The following NXPE4 variants were observed in gnomAD, a reference collection of about 807,000 sequenced individuals.
NXPE4 encodes neurexophilin and PC-esterase domain family member 4, also known as NXPE family member 4.
In NXPE4, 42 loss-of-function variants were observed where a neutral mutation model predicts 33.3. The observed-to-expected ratio is 1.26, with a 90% CI of 0.98 to 1.63. NXPE4 has a LOEUF of 1.63. NXPE4 is among the 40% of genes most tolerant of loss of function. The pLI, the probability that NXPE4 is intolerant of heterozygous loss-of-function variation, is 0.00. For synonymous variants in NXPE4, 253 were observed against 234.9 expected (o/e 1.08, Z -0.71); for missense variants, 709 against 647.6 (o/e 1.09, Z -1.03).
At position 114,580,143 on chromosome 11, in the gene NXPE4, G is replaced by T; in HGVS notation, c.1088C>A (p.Ala363Asp). ...TIRQWMEYFK[A>D]SINTLKSVDL... is the part of the protein sequence containing the mutation. Reference sequence around the variant, plus strand: ...AGACTGAGGCATACTGTTGATACTGGCTTTGAAGTATTCCATCCACTGGCG... The same window carrying T: ...AGACTGAGGCATACTGTTGATACTGTCTTTGAAGTATTCCATCCACTGGCG... Residue 363 changes from alanine (A) to aspartate (D), a missense_variant, in exon 5 of 6, where the codon GCC becomes GAC. Ala to Asp is a moderately radical substitution (Grantham distance 126). Coordinates refer to ENST00000375478, the MANE Select transcript of NXPE4 (RefSeq NM_001077639.2). 2 of 1,613,144 alleles carry T rather than the reference G, an allele frequency of 1.2e-6. No homozygotes were observed. Among genetic ancestry groups the T allele is most frequent in the Non-Finnish European group, 1.7e-6 (2 of 1,179,114 alleles).
chr11:114,662,850 T>A, the NXPE4 span, among the ~76,000 whole-genome samples: 2 of 152,158 alleles, frequency 1.3e-5, no homozygotes, highest in Non-Finnish European at 2.9e-5. Flanking sequence ...GCAACAGTTA[T>A]CACCTGCTAT....
the NXPE4 span, among the ~76,000 whole-genome samples, chr11:114,632,746 AT>A: frequency 4.5e-5 from 1 of 22,014 alleles, no homozygotes; most frequent in Non-Finnish European, 7.5e-5. Flanking sequence ...TATAAAATAT[AT>A]TATAATATAT....
chr11:114,621,204 G>A, the NXPE4 span, among the ~76,000 whole-genome samples: 1 of 152,160 alleles, frequency 6.6e-6, no homozygotes, highest in African/African-American at 2.4e-5. Flanking sequence ...GTTACCTGGT[G>A]GATAATAAGT....
At chr11:114,587,745 C>G (rs966946824) in intron 2 of NXPE4, among the ~76,000 whole-genome samples, 5 of 152,186 alleles carry the variant, frequency 3.3e-5, no homozygotes, top group Non-Finnish European at 7.4e-5. Flanking sequence ...TAAAGGGACA[C>G]CTTTTTTCTT....
chr11:114,600,933 C>A, the NXPE4 span, among the ~76,000 whole-genome samples: 1 of 151,910 alleles, frequency 6.6e-6, no homozygotes, highest in South Asian at 2.1e-4. Context: ...ATATAGTTCT[C>A]CATGAAATGA....
At chr11:114,618,297 C>G in the NXPE4 span, among the ~76,000 whole-genome samples, 1 of 151,940 alleles carries the variant, frequency 6.6e-6, no homozygotes, top group Admixed American at 6.6e-5. Context: ...TGGGTAACCA[C>G]TGTTATCTGT....
chr11:114,598,405 C>T (rs2135315361), upstream of NXPE4, among the ~76,000 whole-genome samples: 1 of 145,164 alleles, frequency 6.9e-6, no homozygotes, highest in South Asian at 2.2e-4. Context: ...GGCAGTGCCC[C>T]AGTGGGGACT....
chr11:114,647,428 T>C, the NXPE4 span, among the ~76,000 whole-genome samples: 2 of 152,216 alleles, frequency 1.3e-5, no homozygotes, highest in African/African-American at 4.8e-5. Flanking sequence ...TGTAAAACTA[T>C]CTAAATCTAT....
chr11:114,632,770 A>AATTATAT, the NXPE4 span, among the ~76,000 whole-genome samples: 27 of 7,668 alleles, frequency 3.5e-3, no homozygotes, highest in Non-Finnish European at 4.5e-3. Flanking sequence ...TATATTATAT[A>AATTATAT]ATTATATATT....
the NXPE4 span, among the ~76,000 whole-genome samples, chr11:114,635,838 T>C: frequency 1.3e-5 from 2 of 152,102 alleles, no homozygotes; most frequent in Admixed American, 1.3e-4. Context: ...GTGGATAAGC[T>C]TTTTGATGTG....
At chr11:114,604,676 G>T in the NXPE4 span, among the ~76,000 whole-genome samples, 4 of 152,028 alleles carry the variant, frequency 2.6e-5, no homozygotes, top group Admixed American at 2.6e-4. Context: ...TGCCTCGTGG[G>T]TAACCACAGT....
the NXPE4 span, among the ~76,000 whole-genome samples, chr11:114,671,847 AACAG>A: frequency 2.6e-5 from 4 of 151,970 alleles, no homozygotes; most frequent in Admixed American, 1.3e-4. Flanking sequence ...TGAATACACA[AACAG>A]ACACACACAC....
the NXPE4 span, among the ~76,000 whole-genome samples, chr11:114,634,979 A>G: frequency 6.6e-6 from 1 of 151,980 alleles, no homozygotes; most frequent in South Asian, 2.1e-4. Flanking sequence ...ACTTTAAAGT[A>G]GTTTTTTCCA....
intron 3 of NXPE4, among the ~76,000 whole-genome samples, chr11:114,582,036 G>A (rs1372837507): frequency 6.6e-6 from 1 of 152,188 alleles, no homozygotes; most frequent in Non-Finnish European, 1.5e-5. Flanking sequence ...ATACACACAT[G>A]TGCATTTCTC....
upstream of NXPE4, among the ~76,000 whole-genome samples, chr11:114,599,130 C>A (rs1181687411): frequency 6.6e-6 from 1 of 152,114 alleles, no homozygotes; most frequent in Non-Finnish European, 1.5e-5. Flanking sequence ...GAACACTTTG[C>A]TGCTTAGAAA....
At chr11:114,641,089 T>C in the NXPE4 span, among the ~76,000 whole-genome samples, 1 of 151,976 alleles carries the variant, frequency 6.6e-6, no homozygotes, top group African/African-American at 2.4e-5. Flanking sequence ...GTCTGAAAAG[T>C]ATAATAACTG....
chr11:114,617,271 T>C, the NXPE4 span, among the ~76,000 whole-genome samples: 3 of 152,124 alleles, frequency 2.0e-5, no homozygotes, highest in African/African-American at 7.2e-5. Flanking sequence ...ATGATAAATA[T>C]TGCCTCGTGG....
At chr11:114,630,011 G>T in the NXPE4 span, among the ~76,000 whole-genome samples, 4 of 150,308 alleles carry the variant, frequency 2.7e-5, no homozygotes, top group African/African-American at 9.9e-5. Flanking sequence ...ACTGCTCAAG[G>T]AAATAAAAGA....
the NXPE4 span, among the ~76,000 whole-genome samples, chr11:114,602,326 A>G: frequency 1.2e-5 from 1 of 85,990 alleles, no homozygotes; most frequent in Non-Finnish European, 2.6e-5. Flanking sequence ...ATATTATACT[A>G]TATATATGTT....
Sources: allele counts gnomAD v4.1 joint callset (sites outside exome capture counted in the v4.1 genomes callset), GRCh38; gene constraint gnomAD v4.1.1; transcripts MANE v1.5; gene names NCBI Gene and HGNC (gene_info 2026-07-23, HGNC 2026-07-21).